SENP7: variants seen among roughly 807,000 people sequenced by gnomAD.
SENP7 encodes sentrin-specific protease 7.
A neutral mutation model predicts 141.2 loss-of-function variants in SENP7; 64 were observed. That is an observed-to-expected ratio of 0.45 (90% CI 0.37 to 0.56). SENP7 has a LOEUF of 0.56. Ranked by LOEUF, SENP7 falls within the 20% of genes least tolerant of loss-of-function variation. SENP7 has a pLI of 0.00. For missense variants in SENP7, 1,025 were observed against 1,212.2 expected (o/e 0.85, Z 2.29); for synonymous variants, 382 against 426.4 (o/e 0.90, Z 1.28).
intron 16 of SENP7, 21 bp from the exon 17 acceptor site, chr3:101,337,652 A>C (rs777035919): frequency 6.6e-7 from 1 of 1,508,002 alleles, no homozygotes; most frequent in African/African-American, 1.4e-5. Context: ...GTAACCCCAC[A>C]AAAGTAAATT....
intron 3 of SENP7, among the ~76,000 whole-genome samples, chr3:101,478,626 G>A (rs892584231): frequency 6.6e-6 from 1 of 152,094 alleles, no homozygotes; most frequent in African/African-American, 2.4e-5. Flanking sequence ...TTACAAAGAA[G>A]AATACCAAAT....
intron 4 of SENP7, among the ~76,000 whole-genome samples, chr3:101,445,428 G>C (rs746044168): frequency 1.3e-5 from 2 of 151,246 alleles, no homozygotes; most frequent in South Asian, 2.1e-4. Flanking sequence ...TGAGAGAGAG[G>C]AATCAGTCAT....
At chr3:101,496,303 T>C (rs12494688) in intron 2 of SENP7, among the ~76,000 whole-genome samples, 60,372 of 152,066 alleles carry the variant, frequency 0.4, 12,510 homozygotes, top group Admixed American at 0.54. Flanking sequence ...TCACCTAGGC[T>C]GGTGTGTAGT....
intron 6 of SENP7, among the ~76,000 whole-genome samples, chr3:101,381,360 CTAAAG>C (rs770336047): frequency 1.1e-4 from 17 of 151,544 alleles, no homozygotes; most frequent in Non-Finnish European, 1.6e-4. Context: ...TCTCATAGGC[CTAAAG>C]TAAAGATTAA....
intron 5 of SENP7, among the ~76,000 whole-genome samples, chr3:101,412,116 T>A (rs910521698): frequency 1.3e-5 from 2 of 152,118 alleles, no homozygotes; most frequent in Admixed American, 6.5e-5. Flanking sequence ...CAACTTCATA[T>A]ATAGAGCAAA....
At chr3:101,327,076 T>A (rs1325705473) in intron 23 of SENP7, among the ~76,000 whole-genome samples, 1 of 152,120 alleles carries the variant, frequency 6.6e-6, no homozygotes, top group Admixed American at 6.6e-5. Context: ...TTGTTTCATC[T>A]TTGGCTTTAT....
chr3:101,389,829 G>A (rs1418323763), intron 6 of SENP7, among the ~76,000 whole-genome samples: 1 of 152,048 alleles, frequency 6.6e-6, no homozygotes, highest in Non-Finnish European at 1.5e-5. Context: ...AAGAAAAAAA[G>A]GATATACAAA....
chr3:101,435,673 T>G (rs1241816655), intron 4 of SENP7, among the ~76,000 whole-genome samples: 1 of 151,828 alleles, frequency 6.6e-6, no homozygotes, highest in Non-Finnish European at 1.5e-5. Flanking sequence ...AAAAGTAATC[T>G]CATTTACAAT....
In SENP7 at chr3:101,324,477, A is replaced by G. The variant is rs1196511410; in HGVS notation, c.*1466T>C. 6.6e-6 allele frequency: 1 copy of G among 152,078 alleles called. No individual in the cohort carries two copies. Among genetic ancestry groups the G allele is most frequent in the Non-Finnish European group, 1.5e-5 (1 of 67,972 alleles). The allele number at this position is 152,078 out of a possible 1,614,324, so 9.4% of individuals were successfully genotyped here. The stretch of plus-strand genomic sequence containing the variant: ...TTCCCAAAATTAGATGTACAAAACA[A>G]TAGTCACCTTTAAAAGTACCCCCCA... On this transcript the variant is annotated 3_prime_UTR_variant, in exon 24 of 24. Transcript: ENST00000394095.
intron 4 of SENP7, among the ~76,000 whole-genome samples, chr3:101,422,654 A>T (rs1047676951): frequency 6.6e-6 from 1 of 152,162 alleles, no homozygotes; most frequent in African/African-American, 2.4e-5. Context: ...CCAAACCATT[A>T]TACTAATACT....
At chr3:101,495,400 G>C (rs2065123437) in intron 2 of SENP7, among the ~76,000 whole-genome samples, 1 of 152,136 alleles carries the variant, frequency 6.6e-6, no homozygotes. Context: ...CCATTACTGG[G>C]TATATACCCA....
chr3:101,488,272 G>A (rs189740747), intron 3 of SENP7, among the ~76,000 whole-genome samples: 1 of 152,016 alleles, frequency 6.6e-6, no homozygotes. Flanking sequence ...ACATTATTTG[G>A]TGTCTAGAAA....
At chr3:101,476,907 G>A (rs936389621) in intron 3 of SENP7, among the ~76,000 whole-genome samples, 1 of 152,184 alleles carries the variant, frequency 6.6e-6, no homozygotes, top group Non-Finnish European at 1.5e-5. Flanking sequence ...CTTTTGAGAA[G>A]TGTCTGTTCA....
chr3:101,366,368 TA>T, intron 9 of SENP7, 61 bp downstream of exon 9: 8 of 1,264,582 alleles, frequency 6.3e-6, no homozygotes, highest in Non-Finnish European at 7.7e-6. Flanking sequence ...TCAAGAAGAA[TA>T]AAAAAATAAC....
intron 1 of SENP7, among the ~76,000 whole-genome samples, chr3:101,507,200 G>A (rs989987784): frequency 6.6e-6 from 1 of 152,134 alleles, no homozygotes; most frequent in African/African-American, 2.4e-5. Context: ...ACATCAGCCA[G>A]ATTCATAAAT....
At chr3:101,423,203 G>C (rs764108811) in intron 4 of SENP7, among the ~76,000 whole-genome samples, 11 of 151,862 alleles carry the variant, frequency 7.2e-5, no homozygotes, top group African/African-American at 2.2e-4. Flanking sequence ...TTATTTTTCT[G>C]GTCTTTAAAA....
chr3:101,469,444 A>T (rs537783205), intron 3 of SENP7, among the ~76,000 whole-genome samples: 13 of 152,126 alleles, frequency 8.5e-5, no homozygotes, highest in South Asian at 6.2e-4. Context: ...AATCAACAGA[A>T]TATACATTCT....
chr3:101,505,771 C>T (rs2065577964), intron 1 of SENP7, among the ~76,000 whole-genome samples: 1 of 152,116 alleles, frequency 6.6e-6, no homozygotes, highest in Admixed American at 6.6e-5. Flanking sequence ...CGGAGAATAT[C>T]TGCCTTTTTA....
rs115062148 is a variant in SENP7, at chr3:101,329,520, T to A, written c.2751+814A>T. Reference sequence around the variant, plus strand: ...AAATCATTAAGTGGCAATCTTAATTTAGAACACTGAATCTAGGCTATGCAG... The same window carrying A: ...AAATCATTAAGTGGCAATCTTAATTAAGAACACTGAATCTAGGCTATGCAG... On this transcript the variant is annotated intron_variant, in intron 20 of 23. Transcript: ENST00000394095. Among the ~76,000 whole-genome samples, 1,191 of 152,258 alleles carry A rather than the reference T, an allele frequency of 7.8e-3. 21 individuals carry two copies. Among genetic ancestry groups the A allele is most frequent in the African/African-American group, 0.028 (1,153 of 41,560 alleles).
Sources: gnomAD v4.1 joint callset for allele counts (sites outside exome capture counted in the v4.1 genomes callset) on GRCh38, gnomAD v4.1.1 for gene constraint, MANE v1.5 for transcripts, NCBI Gene and HGNC (gene_info 2026-07-23, HGNC 2026-07-21) for gene names.